The following TRPM8 variants were observed in gnomAD, a reference collection of about 807,000 sequenced individuals.
TRPM8 encodes TRPM8 cationic channel.
Under a neutral mutation model 133.7 loss-of-function variants are expected in TRPM8, and 110 were observed. The observed-to-expected ratio is 0.82, with a 90% CI of 0.70 to 0.96. The LOEUF (loss-of-function observed/expected upper bound fraction) is 0.96, where lower values mean the gene tolerates loss of function less well. TRPM8 is among the 40% of genes least tolerant of loss of function. The probability of loss-of-function intolerance (pLI) is 0.00; values close to 1 mark genes in which losing one functional copy is unlikely to be tolerated. For missense variants in TRPM8, 1,291 were observed against 1,379.5 expected (o/e 0.94, Z 1.02); for synonymous variants, 535 against 532.3 (o/e 1.01, Z -0.07).
intron 9 of TRPM8, among the ~76,000 whole-genome samples, chr2:233,952,799 G>A (rs1027499676): frequency 2.0e-5 from 3 of 151,888 alleles, no homozygotes; most frequent in African/African-American, 4.8e-5. Flanking sequence ...GGGGTCCATC[G>A]GTTTACTTGC....
At chr2:233,971,139 G>C (rs893011770) in intron 17 of TRPM8, among the ~76,000 whole-genome samples, 2 of 152,202 alleles carry the variant, frequency 1.3e-5, no homozygotes, top group African/African-American at 2.4e-5. Context: ...TGTCGTCACT[G>C]TTGTCCCCTC....
At chr2:233,927,000 G>C (rs955531292) in intron 2 of TRPM8, among the ~76,000 whole-genome samples, 1 of 152,126 alleles carries the variant, frequency 6.6e-6, no homozygotes, top group African/African-American at 2.4e-5. Context: ...GCTGGAGTCG[G>C]GGTTGGGTGC....
intron 24 of TRPM8, among the ~76,000 whole-genome samples, chr2:234,011,418 G>T (rs1574793959): frequency 6.6e-6 from 1 of 151,866 alleles, no homozygotes; most frequent in East Asian, 1.9e-4. Flanking sequence ...AGTTCTTTTT[G>T]CTCAAGATTG....
chr2:233,954,130 TAA>T (rs1251825125), intron 10 of TRPM8, 111 bp downstream of exon 10: 1 of 679,220 alleles, frequency 1.5e-6, no homozygotes, highest in African/African-American at 1.8e-5. Flanking sequence ...AGCTTGTACT[TAA>T]TTTTGATGAT....
intron 17 of TRPM8, 74 bp downstream of exon 17, chr2:233,970,500 G>C (rs1319767770): frequency 2.1e-6 from 3 of 1,419,480 alleles, no homozygotes; most frequent in Non-Finnish European, 3.0e-6. Flanking sequence ...AAGAGGAATA[G>C]AAGTTGCTTC....
intron 22 of TRPM8, among the ~76,000 whole-genome samples, chr2:234,000,875 G>A (rs1486559917): frequency 6.6e-6 from 1 of 152,060 alleles, no homozygotes; most frequent in Non-Finnish European, 1.5e-5. Context: ...GACAGGTTTC[G>A]CCATGTTGGC....
rs755373415 is a variant in TRPM8, at chr2:233,980,198, A to G, written c.2366A>G (p.Asn789Ser). ...FCDEVRQWYVNGVNYFTDLWN... is the reference protein window; with the variant it reads ...FCDEVRQWYVSGVNYFTDLWN... ...CCTTTCTGTACGCAGTGGTACGTAA[A>G]TGGGGTGAATTATTTTACTGACCTG... The change falls in exon 18 of 26, where the codon AAT (asparagine) becomes AGT (serine). Residue 789 changes from asparagine (N) to serine (S), a missense_variant. By Grantham distance (46) the Asn-to-Ser change is conservative. Transcript: ENST00000324695. The G allele has an allele frequency of 1.4e-5, 23 of 1,602,332 alleles. No individual in the cohort carries two copies. Among genetic ancestry groups the G allele is most frequent in the Non-Finnish European group, 1.8e-5 (21 of 1,175,166 alleles).
chr2:233,980,053 G>T, intron 17 of TRPM8, 135 bp from the exon 18 acceptor site: 1 of 680,246 alleles, frequency 1.5e-6, no homozygotes, highest in Non-Finnish European at 2.6e-6. Flanking sequence ...GGGCTCACTT[G>T]GCATATGAAA....
At chr2:234,012,017 T>C (rs1692852765) in intron 24 of TRPM8, among the ~76,000 whole-genome samples, 1 of 152,160 alleles carries the variant, frequency 6.6e-6, no homozygotes, top group East Asian at 1.9e-4. Context: ...TTTATTCTTT[T>C]TGTTACTTAT....
At chr2:233,947,361 A>T (rs774445159) in intron 8 of TRPM8, 266 of 1,532,800 alleles carry the variant, frequency 1.7e-4, no homozygotes, top group Admixed American at 2.8e-4. Flanking sequence ...CAGTGACATG[A>T]ATAACCTGTG....
At chr2:234,000,146 T>G (rs907109632) in intron 22 of TRPM8, among the ~76,000 whole-genome samples, 1 of 149,492 alleles carries the variant, frequency 6.7e-6, no homozygotes, top group Non-Finnish European at 1.5e-5. Flanking sequence ...AGTCTCTCTG[T>G]GTTGCCCAGG....
intron 17 of TRPM8, among the ~76,000 whole-genome samples, chr2:233,975,310 A>G (rs960905893): frequency 2.6e-5 from 4 of 152,198 alleles, no homozygotes; most frequent in African/African-American, 9.7e-5. Flanking sequence ...TGGAGTGGCC[A>G]TGGTAACACT....
chr2:233,942,422 G>C (rs1690932119), intron 5 of TRPM8, among the ~76,000 whole-genome samples, 154 bp from the exon 6 acceptor site: 1 of 152,282 alleles, frequency 6.6e-6, no homozygotes, highest in African/African-American at 2.4e-5. Context: ...AGAACTGTCT[G>C]AGGTCCCCTC....
At position 233,954,403 on chromosome 2, in the gene TRPM8, C is replaced by T. The variant is rs368049298; in HGVS notation, c.1243+384C>T. Reference sequence around the variant, plus strand: ...TACACATATGCACACATACTTCACACCTAAGTAACTTTGCATTTAATTTCA... The same window carrying T: ...TACACATATGCACACATACTTCACATCTAAGTAACTTTGCATTTAATTTCA... On this transcript the variant is annotated intron_variant, in intron 10 of 25. Transcript: ENST00000324695. 2.2e-4 allele frequency among the ~76,000 whole-genome samples: 34 copies of T among 152,288 alleles called. No homozygotes were observed. The East Asian group carries it at 5.8e-3, about 26-fold the overall frequency.
intron 24 of TRPM8, among the ~76,000 whole-genome samples, chr2:234,009,936 G>A (rs371976018): frequency 4.7e-4 from 72 of 152,148 alleles, no homozygotes; most frequent in African/African-American, 1.3e-3. Context: ...AATTAACATC[G>A]TATTACTTCT....
intron 1 of TRPM8, among the ~76,000 whole-genome samples, chr2:233,919,104 T>C (rs891701306): frequency 6.6e-6 from 1 of 152,052 alleles, no homozygotes; most frequent in Non-Finnish European, 1.5e-5. Context: ...AATGACACTT[T>C]AGGACTGATT....
chr2:233,937,618 G>T, intron 4 of TRPM8, 109 bp downstream of exon 4: 2 of 1,257,858 alleles, frequency 1.6e-6, no homozygotes, highest in East Asian at 4.7e-5. Flanking sequence ...GAGATGGGTA[G>T]TAAACACCAA....
At chr2:233,934,972 A>G (rs1691760196) in intron 3 of TRPM8, among the ~76,000 whole-genome samples, 1 of 152,252 alleles carries the variant, frequency 6.6e-6, no homozygotes, top group African/African-American at 2.4e-5. Context: ...ATGTTAAATA[A>G]GGTGAACAGT....
At chr2:233,945,466 T>C (rs1252555869) in intron 6 of TRPM8, among the ~76,000 whole-genome samples, 1 of 152,196 alleles carries the variant, frequency 6.6e-6, no homozygotes, top group Non-Finnish European at 1.5e-5. Context: ...TGTCTGCTTC[T>C]ACCTGTATCC....
Sources: gnomAD v4.1 joint callset for allele counts (sites outside exome capture counted in the v4.1 genomes callset) on GRCh38, gnomAD v4.1.1 for gene constraint, MANE v1.5 for transcripts, NCBI Gene and HGNC (gene_info 2026-07-23, HGNC 2026-07-21) for gene names.